LHX6: variants seen among roughly 807,000 people sequenced by gnomAD.
The protein encoded by LHX6 is LIM homeobox 6.
In LHX6, 15 loss-of-function variants were observed where a neutral mutation model predicts 47.1. The ratio of observed to expected loss-of-function variants is 0.32; its 90% CI spans 0.21 to 0.49. The LOEUF is 0.49. Among genes scored for constraint, LHX6 ranks in the 20% least tolerant of loss-of-function variants. The pLI is 0.99. For synonymous variants in LHX6, 242 were observed against 233.5 expected, an observed-to-expected ratio of 1.04 and a Z score of -0.33; for missense variants, 404 against 539.6, an observed-to-expected ratio of 0.75 and a Z score of 2.49.
chr9:122,221,453 C>T lies in LHX6; in HGVS notation c.462-4165G>A, dbSNP rs1004693169. The T allele has an allele frequency of 1.4e-5, 14 of 985,330 alleles. 1 individual carries two copies. In the Middle Eastern group the frequency reaches 2.1e-3, roughly 145 times the overall value. 61.0% of individuals were successfully genotyped at this position (985,330 alleles called of 1,614,324 possible). On this transcript the variant is annotated intron_variant, in intron 4 of 9. Transcript: ENST00000394319. ...GGGGTAGGCTTCTCCCGCTGGAGCC[C>T]GCGACAGAGCTTGGGCTCAAGGCGG...
chr9:122,210,665 G>C (rs964063511), intron 8 of LHX6, among the ~76,000 whole-genome samples: 1 of 152,142 alleles, frequency 6.6e-6, no homozygotes, highest in African/African-American at 2.4e-5. Flanking sequence ...GGGTTCAAGT[G>C]ATTCTCCCAC....
In LHX6 at chr9:122,226,720, A is replaced by C; in HGVS notation, c.339+128T>G. On this transcript the variant is annotated intron_variant, in intron 3 of 9. Coordinates refer to ENST00000394319, the MANE Select transcript of LHX6 (RefSeq NM_014368.5). This position sits in a 1 kb window ranked among gnomAD's most constrained non-coding sequence, Gnocchi z 6.5. ...TCAGGCAGACCCTAAGTCTTGCCCA[A>C]AGCTTCGCAGTCGGGCAGCAGTGGA... 7.8e-7 allele frequency: 1 copy of C among 1,281,054 alleles called. No homozygotes were observed. Among genetic ancestry groups the C allele is most frequent in the Non-Finnish European group, 1.1e-6 (1 of 946,882 alleles). The allele number at this position is 1,281,054 out of a possible 1,614,324, so 79.4% of individuals were successfully genotyped here. A position where few individuals can be genotyped will look rare whatever the true frequency, so the allele number is the denominator to read the frequency against.
At chr9:122,212,662 C>G (rs1397965369) in intron 8 of LHX6, among the ~76,000 whole-genome samples, 1 of 152,174 alleles carries the variant, frequency 6.6e-6, no homozygotes, top group East Asian at 1.9e-4. Flanking sequence ...TCCTCCCTCA[C>G]TCCTCCAGGT....
chr9:122,216,395 C>G (rs1220468846), intron 5 of LHX6, among the ~76,000 whole-genome samples: 1 of 152,168 alleles, frequency 6.6e-6, no homozygotes, highest in Non-Finnish European at 1.5e-5. Context: ...ATCACAATGT[C>G]AGAGCCAGAA....
intron 9 of LHX6, among the ~76,000 whole-genome samples, chr9:122,207,416 C>G (rs1376581756): frequency 6.6e-6 from 1 of 152,204 alleles, no homozygotes. Context: ...CATGTCACCT[C>G]TCGGAATCTG....
At chr9:122,220,207 G>C (rs1195985013) in intron 4 of LHX6, among the ~76,000 whole-genome samples, 1 of 152,248 alleles carries the variant, frequency 6.6e-6, no homozygotes, top group Non-Finnish European at 1.5e-5. Flanking sequence ...TCCGAGGTAG[G>C]CGCCGCTAGT....
At chr9:122,221,034 G>A (rs1165992922) in intron 4 of LHX6, 3 of 963,622 alleles carry the variant, frequency 3.1e-6, no homozygotes, top group Non-Finnish European at 3.7e-6. Flanking sequence ...GAGTGGAAAC[G>A]CCAATGTTAG....
At position 122,203,131 on chromosome 9, in the gene LHX6, C is replaced by T. The variant is rs1054132056; in HGVS notation, c.*1629G>A. ...GCTCTTTGCCCTCAGTCAGCTGTCA[C>T]TGTCTTTGGAAGGGAGAGGAAGCAG... On this transcript the variant is annotated 3_prime_UTR_variant, in exon 10 of 10. Transcript: ENST00000394319. 1 of 152,740 alleles carries T rather than the reference C, an allele frequency of 6.5e-6. No homozygotes were observed. Among genetic ancestry groups the T allele is most frequent in the Non-Finnish European group, 1.5e-5 (1 of 68,104 alleles). The allele number at this position is 152,740 out of a possible 1,614,324, so 9.5% of individuals were successfully genotyped here.
In LHX6 at chr9:122,227,426, T is replaced by C; in HGVS notation, c.139A>G (p.Thr47Ala). Residue 47 changes from threonine (T) to alanine (A), a missense_variant, in exon 2 of 10, where the codon ACC (threonine) becomes GCC (alanine). Coordinates refer to ENST00000394319, the MANE Select transcript of LHX6 (RefSeq NM_014368.5). ...CKATTRCLEG[T>A]APPAMAQSDA... ...GGACTCACCATGGCGGGCGGCGCGGTCCCTTCAAGACAGCGGGTGGTCGCT... is the reference window on the plus strand; with the variant it reads ...GGACTCACCATGGCGGGCGGCGCGGCCCCTTCAAGACAGCGGGTGGTCGCT... The C allele has an allele frequency of 1.6e-6, 2 of 1,280,712 alleles. No individual in the cohort carries two copies. Among genetic ancestry groups the C allele is most frequent in the Non-Finnish European group, 1.0e-6 (1 of 985,364 alleles). 79.3% of individuals were successfully genotyped at this position (1,280,712 alleles called of 1,614,324 possible). A position where few individuals can be genotyped will look rare whatever the true frequency, so the allele number is the denominator to read the frequency against.
chr9:122,204,341 A>G lies in LHX6; in HGVS notation c.*419T>C. 1 of 229,314 alleles carries G rather than the reference A, an allele frequency of 4.4e-6. No homozygotes were observed. The allele number at this position is 229,314 out of a possible 1,614,324, so 14.2% of individuals were successfully genotyped here. On this transcript the variant is annotated 3_prime_UTR_variant, in exon 10 of 10. Coordinates refer to ENST00000394319, the MANE Select transcript of LHX6 (RefSeq NM_014368.5). ...TAACATTGGGGGTTGTCAGCTATTC[A>G]GAATTCAGAGATGGTTCCAAGGAAG...
rs758583063 is a variant in LHX6 at position 122,214,307 on chromosome 9, C to G, written c.759G>C (p.Thr253=). 1 of 1,599,276 alleles carries G rather than the reference C, an allele frequency of 6.3e-7. No homozygotes were observed. Among genetic ancestry groups the G allele is most frequent in the Non-Finnish European group, 8.5e-7 (1 of 1,175,434 alleles). Residue 253 remains threonine (T), a synonymous_variant, in exon 6 of 10, where the codon ACG becomes ACC. Coordinates refer to ENST00000394319, the MANE Select transcript of LHX6 (RefSeq NM_014368.5). This position sits in a 1 kb window ranked among gnomAD's most constrained non-coding sequence, Gnocchi z 4.6. ...SQPKPAKRAR[T]SFTAEQLQVM... Reference sequence around the variant, plus strand: ...CCTGCAGCTGTTCCGCGGTGAAGGACGTCCGCGCGCGCTTGGCCGGCTTGG... The same window carrying G: ...CCTGCAGCTGTTCCGCGGTGAAGGAGGTCCGCGCGCGCTTGGCCGGCTTGG...
rs978722429 is a variant in LHX6 at position 122,209,791 on chromosome 9, C to A, written c.1055-74G>T. 12 of 660,650 alleles carry A rather than the reference C, an allele frequency of 1.8e-5. No individual in the cohort carries two copies. The African/African-American group carries it at 2.0e-4, about 11-fold the overall frequency. The allele number at this position is 660,650 out of a possible 1,614,324, so 40.9% of individuals were successfully genotyped here. On this transcript the variant is annotated intron_variant, in intron 8 of 9. Transcript: ENST00000394319. ...GATCCCACCTGCCCCGTGCTCTCTA[C>A]AGACTGGAGCCCTGAAACCAGTTTC...
intron 4 of LHX6, among the ~76,000 whole-genome samples, chr9:122,223,299 T>G (rs1476244428): frequency 6.6e-6 from 1 of 152,062 alleles, no homozygotes; most frequent in Non-Finnish European, 1.5e-5. Flanking sequence ...AGAAATCTGG[T>G]TTAGTTTTGC....
chr9:122,216,272 G>A (rs565706458), intron 5 of LHX6, among the ~76,000 whole-genome samples: 2 of 152,322 alleles, frequency 1.3e-5, no homozygotes, highest in African/African-American at 4.8e-5. Flanking sequence ...TAGAGAAAGA[G>A]TCCCTGCCTC....
At chr9:122,220,773 C>T (rs903666571) in intron 4 of LHX6, among the ~76,000 whole-genome samples, 2 of 152,220 alleles carry the variant, frequency 1.3e-5, no homozygotes, top group South Asian at 2.1e-4. Flanking sequence ...GGGCGTCGCG[C>T]ACCGCAGTGC....
chr9:122,204,728 G>T lies in LHX6; in HGVS notation c.*32C>A. The T allele has an allele frequency of 6.3e-7, 1 of 1,593,970 alleles. No homozygotes were observed. The highest frequency in any genetic ancestry group is 8.5e-7 in the Non-Finnish European group (1 of 1,169,986). The stretch of plus-strand genomic sequence containing the variant: ...AGCGGCTGAGGGGCAGCTGTGGGGC[G>T]CCCACGGGCAGATGCGGAAGTGCCG... On this transcript the variant is annotated 3_prime_UTR_variant, in exon 10 of 10. Coordinates refer to ENST00000394319, the MANE Select transcript of LHX6 (RefSeq NM_014368.5).
intron 4 of LHX6, among the ~76,000 whole-genome samples, chr9:122,221,945 C>T (rs1369994892): frequency 6.6e-6 from 1 of 151,998 alleles, no homozygotes; most frequent in Non-Finnish European, 1.5e-5. Context: ...TCTCTCAGGG[C>T]CTCAGTTCCT....
chr9:122,210,619 C>T (rs1010655031), intron 8 of LHX6, among the ~76,000 whole-genome samples: 3 of 152,114 alleles, frequency 2.0e-5, no homozygotes, highest in Non-Finnish European at 4.4e-5. Context: ...TAGAGGGCAG[C>T]GGCATCATCT....
In LHX6 at chr9:122,213,945, T is replaced by TGC; in HGVS notation, c.879+28_879+29insGC. On this transcript the variant is annotated intron_variant, in intron 7 of 9. Transcript: ENST00000394319. This position sits in a 1 kb window ranked among gnomAD's most constrained non-coding sequence, Gnocchi z 5.5. ...TACGAGCTCCGGGGCGTGCCCGCGGTCCCCAGGCCCCGCCCACCCCCGTCC... is the reference window on the plus strand; with the variant it reads ...TACGAGCTCCGGGGCGTGCCCGCGGTGCCCCCAGGCCCCGCCCACCCCCGTCC... 17 of 1,485,386 alleles carry TGC rather than the reference T, an allele frequency of 1.1e-5. No individual in the cohort carries two copies. The highest frequency in any genetic ancestry group is 2.3e-5 in the East Asian group (1 of 44,216). The allele number at this position is 1,485,386 out of a possible 1,614,324, so 92.0% of individuals were successfully genotyped here.
Sources: allele counts gnomAD v4.1 joint callset (sites outside exome capture counted in the v4.1 genomes callset), GRCh38; gene constraint gnomAD v4.1.1; non-coding constraint Gnocchi (gnomAD v3.1); transcripts MANE v1.5; gene names NCBI Gene and HGNC (gene_info 2026-07-23, HGNC 2026-07-21).